The following NDUFAF6 variants were observed in gnomAD, a reference collection of about 807,000 sequenced individuals.
NDUFAF6 encodes the protein NADH dehydrogenase (ubiquinone) complex I, assembly factor 6.
In NDUFAF6, 45 loss-of-function variants were observed where a neutral mutation model predicts 40.8. The ratio of observed to expected loss-of-function variants is 1.10; its 90% CI spans 0.87 to 1.42. The LOEUF (loss-of-function observed/expected upper bound fraction) is 1.42. NDUFAF6 is among the 40% of genes most tolerant of loss of function. NDUFAF6 has a pLI of 0.00. For synonymous variants in NDUFAF6, 185 were observed against 155.9 expected (o/e 1.19, Z -1.39); for missense variants, 435 against 418.5 (o/e 1.04, Z -0.34).
At chr8:95,007,466 C>G (rs536353600) in intron 2 of NDUFAF6, among the ~76,000 whole-genome samples, 13 of 152,180 alleles carry the variant, frequency 8.5e-5, no homozygotes, top group African/African-American at 3.1e-4. Context: ...GAGTTCAAGA[C>G]TAGCCTGGGA....
intron 2 of NDUFAF6, among the ~76,000 whole-genome samples, chr8:94,981,927 C>CAAAAAAA (rs35674623): frequency 1.1e-5 from 1 of 93,508 alleles, no homozygotes; most frequent in African/African-American, 4.0e-5. Context: ...GACCCTGTCT[C>CAAAAAAA]AAAAAAAAAA....
Position 95,047,078 on chromosome 8 carries a change from A to G in NDUFAF6, c.665A>G (p.Tyr222Cys), listed in dbSNP as rs375090043. 1.2e-6 allele frequency: 2 copies of G among 1,614,056 alleles called. No individual in the cohort carries two copies. Among genetic ancestry groups the G allele is most frequent in the Non-Finnish European group, 1.7e-6 (2 of 1,180,026 alleles). The change falls in exon 6 of 9, where the codon TAT (tyrosine) becomes TGT (cysteine). Residue 222 changes from tyrosine to cysteine, a missense_variant. Transcript: ENST00000396124. ...GIVTCLRATP[Y>C]HGSRRKVFLP... ...GTCACTTGCTTGAGAGCAACACCAT[A>G]TCATGGGAGCAGAAGAAAGGTGTTC...
Position 95,048,527 on chromosome 8 carries a change from T to C in NDUFAF6, c.785T>C (p.Ile262Thr), listed in dbSNP as rs747001504. 5 of 1,614,164 alleles carry C rather than the reference T, an allele frequency of 3.1e-6. No individual in the cohort carries two copies. Among genetic ancestry groups the C allele is most frequent in the Non-Finnish European group, 4.2e-6 (5 of 1,180,006 alleles). Reference sequence around the variant, plus strand: ...AATGTGAGAGATGTAATATATGACATTGCCAGTCAAGCACACTTGCACCTA... The same window carrying C: ...AATGTGAGAGATGTAATATATGACACTGCCAGTCAAGCACACTTGCACCTA... ...DKNVRDVIYD[I>T]ASQAHLHLKH... The change falls in exon 7 of 9, where the codon ATT (isoleucine) becomes ACT (threonine). Residue 262 changes from isoleucine (I) to threonine (T), a missense_variant. Coordinates refer to ENST00000396124, the MANE Select transcript of NDUFAF6 (RefSeq NM_152416.4).
downstream of NDUFAF6, among the ~76,000 whole-genome samples, chr8:95,062,847 T>C (rs1832604731): frequency 6.6e-6 from 1 of 152,200 alleles, no homozygotes; most frequent in Non-Finnish European, 1.5e-5. Flanking sequence ...TCTTTGTGGT[T>C]CGAATGAACA....
At chr8:95,065,890 T>C (rs1011585789) in intron 9 of NDUFAF6, among the ~76,000 whole-genome samples, 2 of 152,218 alleles carry the variant, frequency 1.3e-5, no homozygotes, top group Non-Finnish European at 2.9e-5. Context: ...GATTTAGTTC[T>C]TTATATTTGT....
chr8:95,059,066 TA>T (rs1281860116), downstream of NDUFAF6, among the ~76,000 whole-genome samples: 3 of 152,092 alleles, frequency 2.0e-5, no homozygotes, highest in African/African-American at 7.3e-5. Context: ...AATAATAATA[TA>T]AAACTTTTAG....
chr8:95,104,935 G>A (rs1217084238), downstream of NDUFAF6, among the ~76,000 whole-genome samples: 2 of 152,024 alleles, frequency 1.3e-5, no homozygotes, highest in African/African-American at 2.4e-5. Flanking sequence ...GAAACAAAAG[G>A]ATGCCCAGAA....
chr8:95,083,061 G>C (rs1808930350), intron 2 of NDUFAF6, among the ~76,000 whole-genome samples: 1 of 152,194 alleles, frequency 6.6e-6, no homozygotes, highest in South Asian at 2.1e-4. Context: ...GATTACAGGT[G>C]TGAGCCACTG....
chr8:95,006,368 A>G (rs1826983195), intron 2 of NDUFAF6, among the ~76,000 whole-genome samples: 1 of 151,374 alleles, frequency 6.6e-6, no homozygotes, highest in Non-Finnish European at 1.5e-5. Flanking sequence ...AAAAAAAAAA[A>G]AAAAAAAAGA....
chr8:94,949,819 A>T (rs1822416173), intron 2 of NDUFAF6, among the ~76,000 whole-genome samples: 1 of 152,130 alleles, frequency 6.6e-6, no homozygotes, highest in Non-Finnish European at 1.5e-5. Context: ...TGTGAGAGGA[A>T]CATTAAGACT....
chr8:95,032,901 G>C (rs1829027701), intron 2 of NDUFAF6, among the ~76,000 whole-genome samples: 1 of 152,062 alleles, frequency 6.6e-6, no homozygotes, highest in African/African-American at 2.4e-5. Flanking sequence ...TTTTCCTCTG[G>C]TATCTTCCTG....
At chr8:94,946,971 C>T (rs1822073686) in intron 2 of NDUFAF6, among the ~76,000 whole-genome samples, 1 of 152,068 alleles carries the variant, frequency 6.6e-6, no homozygotes, top group South Asian at 2.1e-4. Flanking sequence ...TTTCTTTATC[C>T]ATAAAATGTC....
rs748690602 is a variant in NDUFAF6 at position 94,961,004 on chromosome 8, G to C, written c.-199+2825G>C. 2.0e-5 allele frequency among the ~76,000 whole-genome samples: 3 copies of C among 152,190 alleles called. No homozygotes were observed. In the East Asian group the frequency reaches 5.8e-4, roughly 29 times the overall value. On this transcript the variant is annotated intron_variant, in intron 1 of 9. Coordinates refer to the NDUFAF6 transcript ENST00000396111. Reference sequence around the variant, plus strand: ...GAGAGACCAAAACTCTAAAAGGCCAGCACATAGACATTTTTCACCTTTTAT... The same window carrying C: ...GAGAGACCAAAACTCTAAAAGGCCACCACATAGACATTTTTCACCTTTTAT...
downstream of NDUFAF6, among the ~76,000 whole-genome samples, chr8:95,105,594 T>C (rs1011806125): frequency 3.3e-5 from 5 of 152,126 alleles, no homozygotes; most frequent in Non-Finnish European, 1.5e-5. Context: ...GAGTGCCTCC[T>C]GGGCTCAAGC....
intron 3 of NDUFAF6, among the ~76,000 whole-genome samples, chr8:95,039,451 CA>C (rs761836243): frequency 0.026 from 3,534 of 137,320 alleles, 61 homozygotes; most frequent in Non-Finnish European, 0.036. Context: ...GACTCTGTCT[CA>C]AAAAAAAAAA....
At chr8:94,952,878 C>T (rs1822740966) in intron 2 of NDUFAF6, among the ~76,000 whole-genome samples, 1 of 152,174 alleles carries the variant, frequency 6.6e-6, no homozygotes, top group Non-Finnish European at 1.5e-5. Context: ...GAGGCGGGCC[C>T]CCTTCATTCA....
At chr8:94,988,824 T>G (rs1826061382) in intron 2 of NDUFAF6, 1 of 152,188 alleles carries the variant, frequency 6.6e-6, no homozygotes, top group African/African-American at 2.4e-5. Flanking sequence ...ATGTGATATA[T>G]CCACAGAAGG....
At chr8:94,963,888 A>C (rs1823799357) in intron 1 of NDUFAF6, among the ~76,000 whole-genome samples, 1 of 152,254 alleles carries the variant, frequency 6.6e-6, no homozygotes, top group Non-Finnish European at 1.5e-5. Context: ...CAAGCTCAGC[A>C]GGTCAATAAA....
chr8:94,946,052 G>T (rs1179072566), intron 2 of NDUFAF6, among the ~76,000 whole-genome samples: 2 of 151,608 alleles, frequency 1.3e-5, no homozygotes, highest in Admixed American at 1.3e-4. Flanking sequence ...AGAAAAATAA[G>T]TATTATTCCA....
Sources: gnomAD v4.1 joint callset for allele counts (sites outside exome capture counted in the v4.1 genomes callset) on GRCh38, gnomAD v4.1.1 for gene constraint, MANE v1.5 for transcripts, NCBI Gene and HGNC (gene_info 2026-07-23, HGNC 2026-07-21) for gene names.